The following KCNMA1 variants were observed in gnomAD, a reference collection of about 807,000 sequenced individuals.
KCNMA1 encodes Calcium-activated potassium channel subunit alpha-1.
In KCNMA1, 29 loss-of-function variants were observed where a neutral mutation model predicts 140.0. The observed-to-expected ratio is 0.21, with a 90% CI of 0.15 to 0.28. The LOEUF is 0.28. Among genes scored for constraint, KCNMA1 ranks in the 10% least tolerant of loss-of-function variants. The pLI, the probability that KCNMA1 is intolerant of heterozygous loss-of-function variation, is 1.00. For synonymous variants in KCNMA1, 612 were observed against 611.9 expected, an observed-to-expected ratio of 1.00 and a Z score of 0.00; for missense variants, 880 against 1,602.2, an observed-to-expected ratio of 0.55 and a Z score of 7.70.
chr10:77,320,165 A>G (rs1296833066), intron 2 of KCNMA1, among the ~76,000 whole-genome samples: 1 of 152,210 alleles, frequency 6.6e-6, no homozygotes, highest in Non-Finnish European at 1.5e-5. Flanking sequence ...GAGACTCATC[A>G]ACATATTTTT....
chr10:76,908,523 C>A (rs2048741638), intron 25 of KCNMA1, among the ~76,000 whole-genome samples: 1 of 152,216 alleles, frequency 6.6e-6, no homozygotes, highest in African/African-American at 2.4e-5. Flanking sequence ...CAGAATAACC[C>A]AAATTAGTCT....
At chr10:77,232,680 A>G (rs2053997172) in intron 3 of KCNMA1, among the ~76,000 whole-genome samples, 1 of 152,128 alleles carries the variant, frequency 6.6e-6, no homozygotes. Flanking sequence ...CAATTTATCT[A>G]CTTTTTCTTT....
chr10:77,613,012 C>T (rs1236867024), intron 1 of KCNMA1, among the ~76,000 whole-genome samples: 3 of 152,204 alleles, frequency 2.0e-5, no homozygotes, highest in African/African-American at 7.2e-5. Context: ...CTATCTCACA[C>T]ACAATAAGTC....
At chr10:76,903,491 G>C (rs1305327317) in intron 25 of KCNMA1, 1 of 151,952 alleles carries the variant, frequency 6.6e-6, no homozygotes. Flanking sequence ...CCCCAGGCCT[G>C]CCTGGCCTGA....
At chr10:77,580,237 C>T (rs891724197) in intron 1 of KCNMA1, among the ~76,000 whole-genome samples, 2 of 151,820 alleles carry the variant, frequency 1.3e-5, no homozygotes, top group South Asian at 2.1e-4. Flanking sequence ...AAAAATTAGC[C>T]GGGCGTGGTG....
intron 22 of KCNMA1, among the ~76,000 whole-genome samples, chr10:76,947,871 T>G (rs2064699400): frequency 6.6e-6 from 1 of 152,366 alleles, no homozygotes; most frequent in Admixed American, 6.5e-5. Flanking sequence ...ATTATATTAC[T>G]TGGCTCTTTT....
chr10:77,216,313 A>G (rs2047771147), intron 3 of KCNMA1, among the ~76,000 whole-genome samples: 1 of 152,298 alleles, frequency 6.6e-6, no homozygotes, highest in South Asian at 2.1e-4. Flanking sequence ...ACCACTTTAA[A>G]TGAGTGAATT....
chr10:77,136,207 A>C (rs1437694075), intron 5 of KCNMA1, among the ~76,000 whole-genome samples: 1 of 152,248 alleles, frequency 6.6e-6, no homozygotes, highest in Non-Finnish European at 1.5e-5. Flanking sequence ...AAAGATGCTC[A>C]TTGCAAAATT....
chr10:76,936,689 A>T (rs1351929696), intron 23 of KCNMA1, among the ~76,000 whole-genome samples: 1 of 152,168 alleles, frequency 6.6e-6, no homozygotes, highest in Non-Finnish European at 1.5e-5. Context: ...AGAAACAGTG[A>T]GCAGCCTGGG....
chr10:77,472,832 G>C (rs1156781250), intron 1 of KCNMA1, among the ~76,000 whole-genome samples: 1 of 152,214 alleles, frequency 6.6e-6, no homozygotes, highest in African/African-American at 2.4e-5. Flanking sequence ...CAACAAAGGA[G>C]GCAGGTGGAA....
chr10:77,201,195 C>G (rs968258411), intron 3 of KCNMA1, among the ~76,000 whole-genome samples: 1 of 152,146 alleles, frequency 6.6e-6, no homozygotes, highest in African/African-American at 2.4e-5. Context: ...GTGTTTGATA[C>G]TCACTTAGCT....
chr10:77,044,567 T>C (rs1241884302), intron 14 of KCNMA1, among the ~76,000 whole-genome samples: 1 of 152,110 alleles, frequency 6.6e-6, no homozygotes, highest in Non-Finnish European at 1.5e-5. Flanking sequence ...GAGGATAGCT[T>C]GAGCACAGGA....
intron 23 of KCNMA1, among the ~76,000 whole-genome samples, chr10:76,934,557 T>C (rs1360961783): frequency 2.6e-5 from 4 of 152,356 alleles, no homozygotes; most frequent in African/African-American, 7.2e-5. Context: ...AGTCATTCCA[T>C]ACAACTTATT....
chr10:77,522,051 T>C (rs1237256163), intron 1 of KCNMA1, among the ~76,000 whole-genome samples: 1 of 152,132 alleles, frequency 6.6e-6, no homozygotes, highest in Non-Finnish European at 1.5e-5. Flanking sequence ...GGCAGGTCCC[T>C]GTAATCCCAG....
At chr10:77,099,648 A>G (rs2097043972) in intron 9 of KCNMA1, among the ~76,000 whole-genome samples, 1 of 150,470 alleles carries the variant, frequency 6.6e-6, no homozygotes, top group African/African-American at 2.4e-5. Context: ...TGGGAGGTGG[A>G]GGTTGTGGTG....
At position 76,977,706 on chromosome 10, in the gene KCNMA1, C is replaced by A. The variant is rs549247327; in HGVS notation, c.2267-7639G>T. The A allele has an allele frequency of 4.3e-6, 3 of 698,342 alleles. No individual in the cohort carries two copies. In the South Asian group the frequency reaches 4.5e-5, roughly 10 times the overall value. 43.3% of individuals were successfully genotyped at this position (698,342 alleles called of 1,614,324 possible). A position where few individuals can be genotyped will look rare whatever the true frequency, so the allele number is the denominator to read the frequency against. ...CACCTGAAGTGCACAGATCTGGGGA[C>A]ATTGGGAGGAACAGAGGTAGCTTAG... is the stretch of plus-strand genomic sequence containing the variant. On this transcript the variant is annotated intron_variant, in intron 19 of 27. Transcript: ENST00000286628.
At chr10:77,085,177 T>G (rs1424668905) in intron 11 of KCNMA1, among the ~76,000 whole-genome samples, 1 of 152,212 alleles carries the variant, frequency 6.6e-6, no homozygotes, top group African/African-American at 2.4e-5. Context: ...CTGAAGTCCT[T>G]CATCTGACCT....
intron 25 of KCNMA1, chr10:76,905,156 G>A (rs536128290): frequency 3.3e-5 from 5 of 152,328 alleles, no homozygotes; most frequent in South Asian, 2.1e-4. Context: ...TGGGGTAGAT[G>A]TAGACTGCAA....
intron 2 of KCNMA1, among the ~76,000 whole-genome samples, chr10:77,306,365 G>C (rs1198612443): frequency 1.3e-5 from 2 of 152,216 alleles, no homozygotes; most frequent in Non-Finnish European, 2.9e-5. Context: ...TGATCTGGTA[G>C]GGGTGATGCC....
Sources: gnomAD v4.1 joint callset for allele counts (sites outside exome capture counted in the v4.1 genomes callset) on GRCh38, gnomAD v4.1.1 for gene constraint, MANE v1.5 for transcripts, NCBI Gene and HGNC (gene_info 2026-07-23, HGNC 2026-07-21) for gene names.